The following NR1D1 variants were observed in gnomAD, a reference collection of about 807,000 sequenced individuals.
The protein encoded by NR1D1 is nuclear receptor subfamily 1 group D member 1.
In NR1D1, 17 loss-of-function variants were observed where a neutral mutation model predicts 51.1. That is an observed-to-expected ratio of 0.33 (90% confidence interval 0.23 to 0.50). NR1D1 has a LOEUF of 0.50. Among genes scored for constraint, NR1D1 ranks in the 20% least tolerant of loss-of-function variants. The pLI is 0.98. For missense variants in NR1D1, 647 were observed against 830.4 expected (o/e 0.78, Z 2.71); for synonymous variants, 341 against 333.4 (o/e 1.02, Z -0.25).
chr17:40,094,958 G>C lies in NR1D1; in HGVS notation c.1411C>G (p.Leu471Val). 4 of 1,614,098 alleles carry C rather than the reference G, an allele frequency of 2.5e-6. No individual in the cohort carries two copies. The highest frequency in any genetic ancestry group is 3.4e-6 in the Non-Finnish European group (4 of 1,180,018). Reference protein sequence around the residue: ...RDLSQHDQVTLLKAGTFEVLM... With the variant: ...RDLSQHDQVTVLKAGTFEVLM... ...ACCTCAAAGGTGCCAGCCTTAAGCA[G>C]GGTGACTTGGTCATGCTGAGAAAGG... The change falls in exon 6 of 8, where the codon CTG becomes GTG. Residue 471 changes from leucine to valine, a missense_variant. Leu to Val is a conservative substitution (Grantham distance 32). Around this residue, in one of 7 missense-constraint regions of NR1D1, gnomAD observed 155 missense variants for 236.8 expected, o/e 0.65. Coordinates refer to ENST00000246672, the MANE Select transcript of NR1D1 (RefSeq NM_021724.5).
Position 40,100,168 on chromosome 17 carries a change from C to T in NR1D1, c.-74G>A. 1 of 1,193,656 alleles carries T rather than the reference C, an allele frequency of 8.4e-7. No homozygotes were observed. Among genetic ancestry groups the T allele is most frequent in the Non-Finnish European group, 1.3e-6 (1 of 798,436 alleles). 73.9% of individuals were successfully genotyped at this position (1,193,656 alleles called of 1,614,324 possible). ...TAGAGGTTGCGATCGCCGCTGTTGC[C>T]CCCTGGGCACTGGCTAAGGGCGGGG... is the stretch of plus-strand genomic sequence containing the variant. On this transcript the variant is annotated 5_prime_UTR_variant, in exon 1 of 8. Transcript: ENST00000246672.
chr17:40,096,953 A>T, intron 2 of NR1D1, 112 bp downstream of exon 2: 1 of 1,248,520 alleles, frequency 8.0e-7, no homozygotes, highest in Non-Finnish European at 1.1e-6. Context: ...ACTCTAGGAG[A>T]AATCCCTGAA....
In NR1D1 at chr17:40,096,666, T is replaced by C. The variant is rs768706452; in HGVS notation, c.459+25A>G. The C allele has an allele frequency of 1.9e-6, 3 of 1,613,976 alleles. No homozygotes were observed. In the East Asian group the frequency reaches 6.7e-5, roughly 36 times the overall value. On this transcript the variant is annotated intron_variant, in intron 3 of 7. Transcript: ENST00000246672. ...CCAGGGGGAGGGGGCCACCTGCCCCTGCCCTTACCCCCAGTCCGCCTCACC... is the reference window on the plus strand; with the variant it reads ...CCAGGGGGAGGGGGCCACCTGCCCCCGCCCTTACCCCCAGTCCGCCTCACC...
rs1302272302 is a variant in NR1D1 at position 40,093,570 on chromosome 17, G to A, written c.1646-288C>T. On this transcript the variant is annotated intron_variant, in intron 7 of 7. Coordinates refer to ENST00000246672, the MANE Select transcript of NR1D1 (RefSeq NM_021724.5). The surrounding 1 kb of genome is among the most constrained non-coding windows in gnomAD (Gnocchi z 5.9). ...TGGCCAGACTCCCTTGCTTTTTGCT[G>A]TGTAGTTCCCTCTGCCTGGGATGCC... 2 of 946,796 alleles carry A rather than the reference G, an allele frequency of 2.1e-6. No individual in the cohort carries two copies. The highest frequency in any genetic ancestry group is 3.1e-6 in the Non-Finnish European group (2 of 652,908). The allele number at this position is 946,796 out of a possible 1,614,324, so 58.6% of individuals were successfully genotyped here.
intron 4 of NR1D1, 133 bp from the exon 5 acceptor site, chr17:40,096,220 A>C (rs1216435048): frequency 7.3e-7 from 1 of 1,376,008 alleles, no homozygotes; most frequent in Non-Finnish European, 9.8e-7. Flanking sequence ...GCAAGTCCCC[A>C]CCCATCAAGG....
chr17:40,092,907 G>A lies in NR1D1; in HGVS notation c.*176C>T. On this transcript the variant is annotated 3_prime_UTR_variant, in exon 8 of 8. Transcript: ENST00000246672. ...GGGAGGAGGGGAAGTTCGGTGATGG[G>A]GGAGGGAGGCAGGTATTTACAAGAA... is the stretch of plus-strand genomic sequence containing the variant. The A allele has an allele frequency of 6.9e-7, 1 of 1,440,074 alleles. No individual in the cohort carries two copies. The highest frequency in any genetic ancestry group is 2.4e-5 in the Admixed American group (1 of 41,066). 89.2% of individuals were successfully genotyped at this position (1,440,074 alleles called of 1,614,324 possible).
rs1347332695 is a variant in NR1D1, at chr17:40,096,533, T to G, written c.514A>C (p.Asn172His). The change falls in exon 4 of 8, where the codon AAT (asparagine) becomes CAT (histidine). Residue 172 changes from asparagine (N) to histidine (H), a missense_variant. This residue lies in a region of NR1D1 where 70 missense variants were observed against 134.8 expected (regional missense o/e 0.52). Transcript: ENST00000246672. ...ATGCGGACGATGGAGCAATTCTCAT[T>G]CTTCAGACACCTTTTGTACTGGATG... ...QNIQYKRCLK[N>H]ENCSIVRINR... 6.2e-7 allele frequency: 1 copy of G among 1,614,194 alleles called. No individual in the cohort carries two copies. The highest frequency in any genetic ancestry group is 1.3e-5 in the African/African-American group (1 of 75,034).
Position 40,093,414 on chromosome 17 carries a change from G to T in NR1D1, c.1646-132C>A, listed in dbSNP as rs1228160421. The T allele has an allele frequency of 1.9e-6, 3 of 1,595,508 alleles. No individual in the cohort carries two copies. The highest frequency in any genetic ancestry group is 1.7e-6 in the Non-Finnish European group (2 of 1,170,688). On this transcript the variant is annotated intron_variant, in intron 7 of 7. Coordinates refer to ENST00000246672, the MANE Select transcript of NR1D1 (RefSeq NM_021724.5). This position sits in a 1 kb window ranked among gnomAD's most constrained non-coding sequence, Gnocchi z 5.9. ...CCAGAAGGCCGATGGGGAAGGAGAA[G>T]GAGTGCCATACCTTCTCCCAGGCCT... is the stretch of plus-strand genomic sequence containing the variant.
chr17:40,096,400 T>A, intron 4 of NR1D1, 43 bp downstream of exon 4: 1 of 1,612,986 alleles, frequency 6.2e-7, no homozygotes, highest in Non-Finnish European at 8.5e-7. Flanking sequence ...ATTCAGAAAC[T>A]TTGGGCGGAA....
Position 40,096,482 on chromosome 17 carries a change from G to C in NR1D1, c.565C>G (p.Arg189Gly). 1 of 1,614,240 alleles carries C rather than the reference G, an allele frequency of 6.2e-7. No individual in the cohort carries two copies. The highest frequency in any genetic ancestry group is 8.5e-7 in the Non-Finnish European group (1 of 1,180,046). Residue 189 changes from arginine (R) to glycine (G), a missense_variant, in exon 4 of 8, where the codon CGC (arginine) becomes GGC (glycine). Arg to Gly is a moderately radical substitution (Grantham distance 125, BLOSUM62 -2). Coordinates refer to ENST00000246672, the MANE Select transcript of NR1D1 (RefSeq NM_021724.5). ...CCCACAGAGAGACACTTCTTGAAGCGACATTGCTGGCAGCGGTTGCGATTG... is the reference window on the plus strand; with the variant it reads ...CCCACAGAGAGACACTTCTTGAAGCCACATTGCTGGCAGCGGTTGCGATTG... ...RINRNRCQQC[R>G]FKKCLSVGMS...
chr17:40,094,166 G>A (rs375889480), intron 6 of NR1D1, 44 bp from the exon 7 acceptor site: 5 of 1,574,564 alleles, frequency 3.2e-6, no homozygotes, highest in South Asian at 1.1e-5. Flanking sequence ...GGTGGGAGGA[G>A]CACTGACCAA....
At position 40,097,407 on chromosome 17, in the gene NR1D1, G is replaced by A. The variant is rs373423350; in HGVS notation, c.32-4C>T. ...CCAATGTAGGTGATGACGCCACCTG[G>A]AGAGAGAACAAAAGGAAAGGGGGTG... On this transcript the variant is annotated splice_region_variant and splice_polypyrimidine_tract_variant and intron_variant, in intron 1 of 7. Transcript: ENST00000246672. The A allele has an allele frequency of 1.3e-6, 2 of 1,597,880 alleles. No homozygotes were observed. Among genetic ancestry groups the A allele is most frequent in the Admixed American group, 1.8e-5 (1 of 56,468 alleles).
intron 2 of NR1D1, 136 bp downstream of exon 2, chr17:40,096,929 G>C: frequency 1.7e-6 from 2 of 1,177,076 alleles, no homozygotes; most frequent in Non-Finnish European, 2.5e-6. Flanking sequence ...CTGGGCTGAA[G>C]AGGGGCTGGT....
At chr17:40,099,214 C>T (rs1987826404) in intron 1 of NR1D1, among the ~76,000 whole-genome samples, 1 of 152,182 alleles carries the variant, frequency 6.6e-6, no homozygotes, top group African/African-American at 2.4e-5. Flanking sequence ...CCTCGCTTCC[C>T]GTCAATCGAG....
At position 40,100,533 on chromosome 17, in the gene NR1D1, C is replaced by A; in HGVS notation, c.-439G>T. ...GATGGGGAGAAACGGGGCACCGAGTCGCAAAGAGGCGAGACGTGTGCCCTG... is the reference window on the plus strand; with the variant it reads ...GATGGGGAGAAACGGGGCACCGAGTAGCAAAGAGGCGAGACGTGTGCCCTG... On this transcript the variant is annotated 5_prime_UTR_variant, in exon 1 of 8. Transcript: ENST00000246672. 2 of 442,200 alleles carry A rather than the reference C, an allele frequency of 4.5e-6. No homozygotes were observed. The highest frequency in any genetic ancestry group is 5.8e-5 in the South Asian group (1 of 17,180). The allele number at this position is 442,200 out of a possible 1,614,324, so 27.4% of individuals were successfully genotyped here.
intron 3 of NR1D1, 35 bp from the exon 4 acceptor site, chr17:40,096,622 C>T: frequency 6.2e-7 from 1 of 1,613,618 alleles, no homozygotes; most frequent in African/African-American, 1.3e-5. Context: ...CCACCTCCAT[C>T]ATGGCTGGGC....
At position 40,096,081 on chromosome 17, in the gene NR1D1, C is replaced by T. The variant is rs760740974; in HGVS notation, c.611G>A (p.Arg204His). The change falls in exon 5 of 8, where the codon CGT becomes CAT. Residue 204 changes from arginine (R) to histidine (H), a missense_variant. By Grantham distance (29) the Arg-to-His change is conservative. Around this residue, in one of 7 missense-constraint regions of NR1D1, gnomAD observed 70 missense variants for 134.8 expected, o/e 0.52. Coordinates refer to ENST00000246672, the MANE Select transcript of NR1D1 (RefSeq NM_021724.5). ...CTCTCGTTTGGGGATGCGCCCAAAACGCACAGCTGCAACAGGATGAGAACA... is the reference window on the plus strand; with the variant it reads ...CTCTCGTTTGGGGATGCGCCCAAAATGCACAGCTGCAACAGGATGAGAACA... ...LSVGMSRDAVRFGRIPKREKQ... is the reference protein window; with the variant it reads ...LSVGMSRDAVHFGRIPKREKQ... 1.9e-6 allele frequency: 3 copies of T among 1,612,024 alleles called. No individual in the cohort carries two copies. The highest frequency in any genetic ancestry group is 2.5e-6 in the Non-Finnish European group (3 of 1,179,654).
chr17:40,093,033 A>G lies in NR1D1; in HGVS notation c.*50T>C. 1 of 1,613,130 alleles carries G rather than the reference A, an allele frequency of 6.2e-7. No homozygotes were observed. The highest frequency in any genetic ancestry group is 8.5e-7 in the Non-Finnish European group (1 of 1,179,152). On this transcript the variant is annotated 3_prime_UTR_variant, in exon 8 of 8. Coordinates refer to ENST00000246672, the MANE Select transcript of NR1D1 (RefSeq NM_021724.5). This position sits in a 1 kb window ranked among gnomAD's most constrained non-coding sequence, Gnocchi z 5.9. ...CGTCTCGTAAAGGAGAGAGAAGTGC[A>G]GAGTTCGATTCTGTACAAGGGGGCA... is the stretch of plus-strand genomic sequence containing the variant.
In NR1D1 at chr17:40,095,895, A is replaced by G. The variant is rs1199324029; in HGVS notation, c.797T>C (p.Phe266Ser). 1 of 1,612,644 alleles carries G rather than the reference A, an allele frequency of 6.2e-7. No individual in the cohort carries two copies. The highest frequency in any genetic ancestry group is 1.3e-5 in the African/African-American group (1 of 74,612). ...CGTCAGCTGTTGTGGAAACTGGGAG[A>G]AGCCCACCAGGGGTGAGGGGACCGG... is the stretch of plus-strand genomic sequence containing the variant. ...PAPVPSPLVG[F>S]SQFPQQLTPP... The change falls in exon 5 of 8, where the codon TTC (phenylalanine) becomes TCC (serine). Residue 266 changes from phenylalanine (F) to serine (S), a missense_variant. Coordinates refer to ENST00000246672, the MANE Select transcript of NR1D1 (RefSeq NM_021724.5).
Sources: gnomAD v4.1 joint callset for allele counts (sites outside exome capture counted in the v4.1 genomes callset) on GRCh38, gnomAD v4.1.1 for gene constraint, gnomAD v4.1.1 regional missense constraint, Gnocchi (gnomAD v3.1) non-coding constraint, MANE v1.5 for transcripts, NCBI Gene and HGNC (gene_info 2026-07-23, HGNC 2026-07-21) for gene names.